Variants in RABGAP1L observed in about 807,000 individuals in gnomAD.
RABGAP1L encodes RAB GTPase activating protein 1 like.
RABGAP1L carries 63 observed loss-of-function variants against 137.7 expected under a neutral mutation model. The observed-to-expected ratio is 0.46, with a 90% confidence interval of 0.37 to 0.56. RABGAP1L has a LOEUF of 0.56. Among genes scored for constraint, RABGAP1L ranks in the 20% least tolerant of loss-of-function variants. RABGAP1L has a pLI of 0.00. For missense variants in RABGAP1L, 1,095 were observed against 1,244.0 expected, an observed-to-expected ratio of 0.88 and a Z score of 1.80; for synonymous variants, 431 against 433.7, an observed-to-expected ratio of 0.99 and a Z score of 0.08.
chr1:174,221,067 A>C lies in RABGAP1L; in HGVS notation c.234A>C (p.Gln78His), dbSNP rs17854182. The C allele has an allele frequency of 6.2e-7, 1 of 1,613,812 alleles. No individual in the cohort carries two copies. The highest frequency in any genetic ancestry group is 1.3e-5 in the African/African-American group (1 of 74,890). The change falls in exon 3 of 26, where the codon CAA (glutamine) becomes CAC (histidine). Residue 78 changes from glutamine (Q) to histidine (H), a missense_variant. Gln to His is a conservative substitution (Grantham distance 24, BLOSUM62 0). This residue lies in a region of RABGAP1L where 356 missense variants were observed against 326.3 expected (regional missense o/e 1.09). Transcript: ENST00000681986. ...KRPSSLLVDC[Q>H]SSSEISDHSF... ...CAAGCAGTCTTCTTGTTGATTGTCA[A>C]AGTTCCAGTGAGATTTCAGACCATT...
chr1:174,830,752 C>T lies in RABGAP1L; in HGVS notation c.2340+18792C>T, dbSNP rs571838454. 2.7e-5 allele frequency among the ~76,000 whole-genome samples: 4 copies of T among 148,614 alleles called. 1 individual carries two copies. The highest frequency in any genetic ancestry group is 6.0e-5 in the Non-Finnish European group (4 of 66,712). ...TCGGCATCCCAAAGTGCTGGGATTA[C>T]AGGCATGAGCTACCGCACCTGGTGA... On this transcript the variant is annotated intron_variant, in intron 19 of 25. Coordinates refer to ENST00000681986, the MANE Select transcript of RABGAP1L (RefSeq NM_001366446.1).
chr1:174,543,338 C>T (rs1024229200), intron 13 of RABGAP1L, among the ~76,000 whole-genome samples: 5 of 136,144 alleles, frequency 3.7e-5, no homozygotes, highest in African/African-American at 6.7e-5. Flanking sequence ...GATCCCTTCA[C>T]CATTATGTAA....
At chr1:174,476,216 A>G (rs1000371090) in intron 13 of RABGAP1L, among the ~76,000 whole-genome samples, 4 of 152,210 alleles carry the variant, frequency 2.6e-5, no homozygotes, top group Non-Finnish European at 4.4e-5. Flanking sequence ...GTTTAAATGT[A>G]AAACTATCAA....
At chr1:174,686,787 G>A (rs1484022502) in intron 15 of RABGAP1L, among the ~76,000 whole-genome samples, 1 of 149,988 alleles carries the variant, frequency 6.7e-6, no homozygotes. Flanking sequence ...CTCCAGAGTA[G>A]TGGGACTACA....
intron 19 of RABGAP1L, among the ~76,000 whole-genome samples, chr1:174,833,809 T>A (rs1375775235): frequency 6.6e-6 from 1 of 151,996 alleles, no homozygotes; most frequent in East Asian, 1.9e-4. Context: ...TTGTGATAAA[T>A]GTTACAAAAG....
intron 17 of RABGAP1L, among the ~76,000 whole-genome samples, chr1:174,739,037 T>C (rs1683177434): frequency 6.6e-6 from 1 of 152,224 alleles, no homozygotes; most frequent in Admixed American, 6.5e-5. Context: ...CTCCTCACTA[T>C]GGCAGGAAGA....
At chr1:174,267,927 G>T (rs1211512373) in intron 7 of RABGAP1L, among the ~76,000 whole-genome samples, 1 of 152,026 alleles carries the variant, frequency 6.6e-6, no homozygotes, top group Non-Finnish European at 1.5e-5. Flanking sequence ...TTATTTTTGT[G>T]GTTCCACACC....
rs186854240 is a variant in RABGAP1L at position 174,312,399 on chromosome 1, T to C, written c.1465+7272T>C. On this transcript the variant is annotated intron_variant, in intron 11 of 25. Transcript: ENST00000681986. ...GCCATTTGTATGTCTTTTTTTTTCT[T>C]GAGAAATGTCTATTCAAATCTTTTG... 2.9e-3 allele frequency among the ~76,000 whole-genome samples: 445 copies of C among 152,338 alleles called. 3 individuals carry two copies. The highest frequency in any genetic ancestry group is 4.6e-3 in the Non-Finnish European group (316 of 68,032).
chr1:174,961,239 G>A (rs1197241173), intron 20 of RABGAP1L, among the ~76,000 whole-genome samples: 1 of 152,196 alleles, frequency 6.6e-6, no homozygotes, highest in African/African-American at 2.4e-5. Context: ...AGATTTGACT[G>A]TAGAATAAGC....
At position 174,448,721 on chromosome 1, in the gene RABGAP1L, A is replaced by G; in HGVS notation, c.1710+54576A>G. ...GTCTTGGCTCACCAGTGCCTATTTT[A>G]CTGGCTTTATTGTTTGTTTACTTTA... is the stretch of plus-strand genomic sequence containing the variant. On this transcript the variant is annotated intron_variant, in intron 13 of 25. Coordinates refer to ENST00000681986, the MANE Select transcript of RABGAP1L (RefSeq NM_001366446.1). The surrounding 1 kb of genome is among the most constrained non-coding windows in gnomAD (Gnocchi z 4.2). 1 of 1,613,750 alleles carries G rather than the reference A, an allele frequency of 6.2e-7. No homozygotes were observed. Among genetic ancestry groups the G allele is most frequent in the Non-Finnish European group, 8.5e-7 (1 of 1,179,874 alleles).
At chr1:174,740,825 T>C (rs1435405536) in intron 17 of RABGAP1L, among the ~76,000 whole-genome samples, 1 of 152,128 alleles carries the variant, frequency 6.6e-6, no homozygotes, top group Non-Finnish European at 1.5e-5. Flanking sequence ...ATTCATGAGG[T>C]TGAACATTTT....
chr1:174,557,855 A>T (rs1666976794), intron 13 of RABGAP1L, among the ~76,000 whole-genome samples: 1 of 152,236 alleles, frequency 6.6e-6, no homozygotes, highest in African/African-American at 2.4e-5. Context: ...GAGAAAGATG[A>T]TGCGGCCATG....
At chr1:174,571,190 T>C (rs1248862326) in intron 13 of RABGAP1L, among the ~76,000 whole-genome samples, 1 of 152,126 alleles carries the variant, frequency 6.6e-6, no homozygotes, top group East Asian at 1.9e-4. Flanking sequence ...CATCACAGGT[T>C]CTCACTTATT....
intron 19 of RABGAP1L, among the ~76,000 whole-genome samples, chr1:174,902,823 G>A (rs1010117566): frequency 6.6e-6 from 1 of 152,172 alleles, no homozygotes; most frequent in Non-Finnish European, 1.5e-5. Flanking sequence ...TGGGTCAGGT[G>A]GTTTGCCTAG....
chr1:174,572,319 G>A (rs1342617648), intron 13 of RABGAP1L, among the ~76,000 whole-genome samples: 2 of 152,088 alleles, frequency 1.3e-5, no homozygotes, highest in African/African-American at 4.8e-5. Flanking sequence ...ATGTTATTAC[G>A]CTTGACCTGT....
chr1:174,203,075 T>A (rs1668247747), intron 1 of RABGAP1L, among the ~76,000 whole-genome samples: 1 of 152,224 alleles, frequency 6.6e-6, no homozygotes, highest in Non-Finnish European at 1.5e-5. Context: ...ATGAAATCTT[T>A]GCCTGTTCCT....
intron 14 of RABGAP1L, among the ~76,000 whole-genome samples, chr1:174,652,386 G>A (rs1015816304): frequency 1.3e-4 from 20 of 152,246 alleles, no homozygotes; most frequent in African/African-American, 4.8e-4. Flanking sequence ...AGGTGTTCTG[G>A]TTTTTGGAAT....
chr1:174,555,791 G>A (rs1180787791), intron 13 of RABGAP1L, among the ~76,000 whole-genome samples: 2 of 152,074 alleles, frequency 1.3e-5, no homozygotes, highest in Non-Finnish European at 2.9e-5. Context: ...GTAGAGAACC[G>A]AGAGTGAAAT....
chr1:174,242,474 C>A (rs1205983859), intron 5 of RABGAP1L, among the ~76,000 whole-genome samples: 3 of 152,188 alleles, frequency 2.0e-5, no homozygotes, highest in Non-Finnish European at 4.4e-5. Context: ...GCAGAAAATG[C>A]TGAAAGCAAT....
Sources: gnomAD v4.1 joint callset for allele counts (sites outside exome capture counted in the v4.1 genomes callset) on GRCh38, gnomAD v4.1.1 for gene constraint, gnomAD v4.1.1 regional missense constraint, Gnocchi (gnomAD v3.1) non-coding constraint, MANE v1.5 for transcripts, NCBI Gene and HGNC (gene_info 2026-07-23, HGNC 2026-07-21) for gene names.